Variants in ITK observed in about 807,000 individuals in gnomAD.
ITK encodes IL2 inducible T cell kinase.
A neutral mutation model predicts 87.6 loss-of-function variants in ITK; 45 were observed. The ratio of observed to expected loss-of-function variants is 0.51; its 90% confidence interval spans 0.40 to 0.66. The LOEUF (loss-of-function observed/expected upper bound fraction) is 0.66. Among genes scored for constraint, ITK ranks in the 30% least tolerant of loss-of-function variants. The pLI is 0.00. For missense variants in ITK, 605 were observed against 766.3 expected, an observed-to-expected ratio of 0.79 and a Z score of 2.48; for synonymous variants, 303 against 273.6, an observed-to-expected ratio of 1.11 and a Z score of -1.06.
At chr5:157,193,886 A>C (rs955615556) in intron 1 of ITK, among the ~76,000 whole-genome samples, 1 of 152,210 alleles carries the variant, frequency 6.6e-6, no homozygotes, top group African/African-American at 2.4e-5. Context: ...TTTTTTTTAA[A>C]AAACCACAAT....
chr5:157,181,066 T>C lies in ITK; in HGVS notation c.89T>C (p.Phe30Ser). 1 of 1,614,054 alleles carries C rather than the reference T, an allele frequency of 6.2e-7. No individual in the cohort carries two copies. The highest frequency in any genetic ancestry group is 8.5e-7 in the Non-Finnish European group (1 of 1,179,876). ...RTSPSNFKVR[F>S]FVLTKASLAY... ...TCTCCCTCGAACTTTAAAGTCCGCTTCTTTGTGTTAACCAAAGCCAGCCTG... is the reference window on the plus strand; with the variant it reads ...TCTCCCTCGAACTTTAAAGTCCGCTCCTTTGTGTTAACCAAAGCCAGCCTG... Residue 30 changes from phenylalanine to serine, a missense_variant, in exon 1 of 17, where the codon TTC (phenylalanine) becomes TCC (serine). Coordinates refer to ENST00000422843, the MANE Select transcript of ITK (RefSeq NM_005546.4).
chr5:157,213,619 T>G (rs760786735), intron 3 of ITK: 1 of 449,918 alleles, frequency 2.2e-6, no homozygotes, highest in Admixed American at 2.5e-5. Flanking sequence ...TGGACTCAAG[T>G]GATCCTCTTG....
intron 5 of ITK, 138 bp downstream of exon 5, chr5:157,218,045 T>C (rs115932741): frequency 0.02 from 16,403 of 820,862 alleles, 269 homozygotes; most frequent in Non-Finnish European, 0.028. Flanking sequence ...TCAGCAGAAC[T>C]CAACACATTG....
intron 1 of ITK, among the ~76,000 whole-genome samples, chr5:157,208,536 C>T (rs573649970): frequency 1.3e-5 from 2 of 152,260 alleles, no homozygotes; most frequent in East Asian, 3.9e-4. Flanking sequence ...TGGATAGACA[C>T]AGAGAAGAGA....
At chr5:157,238,031 TG>T in intron 8 of ITK, 77 bp from the exon 9 acceptor site, 1 of 1,065,468 alleles carries the variant, frequency 9.4e-7, no homozygotes, top group Non-Finnish European at 1.5e-6. Flanking sequence ...CCTCCTTCTG[TG>T]GGCAAGAAAG....
intron 11 of ITK, 54 bp from the exon 12 acceptor site, chr5:157,243,569 A>G: frequency 1.3e-6 from 2 of 1,485,286 alleles, no homozygotes; most frequent in Non-Finnish European, 1.9e-6. Flanking sequence ...TGGTATCCCA[A>G]TACCTTATAT....
intron 7 of ITK, 78 bp downstream of exon 7, chr5:157,228,439 T>A: frequency 1.2e-6 from 1 of 868,590 alleles, no homozygotes; most frequent in Non-Finnish European, 2.0e-6. Context: ...ATTGGTTGAC[T>A]GTAAAAATAC....
chr5:157,246,057 C>G (rs1333922404), intron 15 of ITK, 58 bp downstream of exon 15: 4 of 1,200,568 alleles, frequency 3.3e-6, no homozygotes, highest in Non-Finnish European at 5.0e-6. Context: ...CAGCTGTTTC[C>G]TTTATCAAAT....
chr5:157,249,054 G>A, intron 16 of ITK, 47 bp downstream of exon 16: 1 of 1,543,560 alleles, frequency 6.5e-7, no homozygotes, highest in Non-Finnish European at 9.0e-7. Context: ...TACAATTTGA[G>A]GACCTCCCTC....
At chr5:157,228,531 C>A (rs1038622144) in intron 7 of ITK, among the ~76,000 whole-genome samples, 170 bp downstream of exon 7, 8 of 152,110 alleles carry the variant, frequency 5.3e-5, no homozygotes, top group South Asian at 2.1e-4. Flanking sequence ...ACTAAAAAAA[C>A]CAGGACTTTC....
chr5:157,222,217 C>T (rs781337557), intron 5 of ITK, among the ~76,000 whole-genome samples: 12 of 152,070 alleles, frequency 7.9e-5, no homozygotes, highest in African/African-American at 2.2e-4. Context: ...TGAACTCTGG[C>T]GACTATGCGC....
intron 3 of ITK, chr5:157,213,724 C>T: frequency 2.9e-6 from 1 of 344,730 alleles, no homozygotes; most frequent in South Asian, 2.3e-5. Flanking sequence ...GTAGCAGACC[C>T]CCCTTTTTTT....
chr5:157,189,762 A>G (rs892982218), intron 1 of ITK, among the ~76,000 whole-genome samples: 4 of 152,240 alleles, frequency 2.6e-5, no homozygotes, highest in African/African-American at 9.6e-5. Flanking sequence ...TAAATATCAA[A>G]CGTGGAAATC....
At chr5:157,220,308 C>T (rs915550717) in intron 5 of ITK, among the ~76,000 whole-genome samples, 2 of 152,136 alleles carry the variant, frequency 1.3e-5, no homozygotes, top group African/African-American at 4.8e-5. Flanking sequence ...CAAACAAGGT[C>T]GTATATCACA....
At chr5:157,233,957 A>ATT (rs1754719210) in intron 8 of ITK, among the ~76,000 whole-genome samples, 1 of 26,314 alleles carries the variant, frequency 3.8e-5, no homozygotes, top group Non-Finnish European at 7.0e-5. Context: ...ATATATATAT[A>ATT]TATATATTTT....
intron 5 of ITK, among the ~76,000 whole-genome samples, chr5:157,222,307 CAGG>C (rs765529442): frequency 1.3e-5 from 2 of 151,982 alleles, no homozygotes; most frequent in East Asian, 1.9e-4. Context: ...ATAGAGCCTA[CAGG>C]AGAAGGAAGG....
At chr5:157,229,810 A>G (rs1195339387) in intron 7 of ITK, among the ~76,000 whole-genome samples, 2 of 152,210 alleles carry the variant, frequency 1.3e-5, no homozygotes, top group African/African-American at 2.4e-5. Context: ...GATACTTGGG[A>G]GGCTGAGGCA....
At chr5:157,192,991 G>T (rs1226886772) in intron 1 of ITK, among the ~76,000 whole-genome samples, 4 of 152,158 alleles carry the variant, frequency 2.6e-5, no homozygotes, top group Admixed American at 2.0e-4. Context: ...TGGCATTACA[G>T]GATCTCTTGA....
In ITK at chr5:157,253,398, G is replaced by A. The variant is rs530815864; in HGVS notation, c.*720G>A. The A allele has an allele frequency of 8.8e-6, 2 of 226,748 alleles. No individual in the cohort carries two copies. Among genetic ancestry groups the A allele is most frequent in the African/African-American group, 4.5e-5 (2 of 44,932 alleles). 14.0% of individuals were successfully genotyped at this position (226,748 alleles called of 1,614,324 possible). A position where few individuals can be genotyped will look rare whatever the true frequency, so the allele number is the denominator to read the frequency against. ...TCAGGTCCCATGCTTGGAGCATTGG[G>A]TATCTGATGTCTGCACCAGAACAAG... On this transcript the variant is annotated 3_prime_UTR_variant, in exon 17 of 17. Transcript: ENST00000422843.
Sources: allele counts gnomAD v4.1 joint callset (sites outside exome capture counted in the v4.1 genomes callset), GRCh38; gene constraint gnomAD v4.1.1; transcripts MANE v1.5; gene names NCBI Gene and HGNC (gene_info 2026-07-23, HGNC 2026-07-21).